MYO1D: variants seen among roughly 807,000 people sequenced by gnomAD.
MYO1D encodes myosin ID, also known as unconventional myosin-Id.
In MYO1D, 83 loss-of-function variants were observed where a neutral mutation model predicts 122.0. The observed-to-expected ratio is 0.68, with a 90% CI of 0.57 to 0.82. MYO1D has a LOEUF of 0.82. MYO1D is among the 40% of genes least tolerant of loss of function. The pLI is 0.00. For synonymous variants in MYO1D, 464 were observed against 446.9 expected, an observed-to-expected ratio of 1.04 and a Z score of -0.48; for missense variants, 1,157 against 1,269.5, an observed-to-expected ratio of 0.91 and a Z score of 1.35.
chr17:32,618,299 A>C (rs1410838093), intron 20 of MYO1D, among the ~76,000 whole-genome samples: 3 of 152,250 alleles, frequency 2.0e-5, no homozygotes, highest in African/African-American at 7.2e-5. Context: ...ACTGATTAAA[A>C]GGGCTAAGTT....
At chr17:32,533,773 G>T (rs1413348707) in intron 21 of MYO1D, among the ~76,000 whole-genome samples, 2 of 151,890 alleles carry the variant, frequency 1.3e-5, no homozygotes, top group Non-Finnish European at 2.9e-5. Context: ...TCTTCCATTG[G>T]ATAACACACA....
chr17:32,750,457 T>C (rs974781752), intron 11 of MYO1D, among the ~76,000 whole-genome samples: 5 of 151,260 alleles, frequency 3.3e-5, no homozygotes, highest in African/African-American at 9.7e-5. Context: ...ATGAAAAAAA[T>C]ACAAAAAATT....
chr17:32,724,477 A>G (rs888118723), intron 14 of MYO1D, among the ~76,000 whole-genome samples: 1 of 152,216 alleles, frequency 6.6e-6, no homozygotes, highest in African/African-American at 2.4e-5. Flanking sequence ...TGGGAGATCT[A>G]ACAACACAGT....
chr17:32,555,567 G>T (rs1471375207), intron 21 of MYO1D, among the ~76,000 whole-genome samples: 2 of 152,222 alleles, frequency 1.3e-5, no homozygotes, highest in Admixed American at 1.3e-4. Flanking sequence ...GCTGCCTGTT[G>T]TCTGTTGCAT....
At chr17:32,543,719 C>T (rs1278573964) in intron 21 of MYO1D, among the ~76,000 whole-genome samples, 1 of 152,162 alleles carries the variant, frequency 6.6e-6, no homozygotes, top group Non-Finnish European at 1.5e-5. Context: ...GTGCCTAGCA[C>T]AGATCTTGTA....
intron 17 of MYO1D, among the ~76,000 whole-genome samples, chr17:32,656,920 T>C (rs1293438152): frequency 2.6e-5 from 4 of 152,204 alleles, no homozygotes; most frequent in African/African-American, 9.7e-5. Flanking sequence ...TGTCCTGTCT[T>C]CACTGCCCAC....
At chr17:32,524,846 C>A (rs1295500765) in intron 21 of MYO1D, among the ~76,000 whole-genome samples, 1 of 152,116 alleles carries the variant, frequency 6.6e-6, no homozygotes, top group Non-Finnish European at 1.5e-5. Flanking sequence ...CAATCGTGAG[C>A]CACTGCGCCT....
intron 21 of MYO1D, among the ~76,000 whole-genome samples, chr17:32,562,030 A>T (rs2087130825): frequency 1.3e-5 from 2 of 151,108 alleles, no homozygotes; most frequent in Admixed American, 1.3e-4. Context: ...TTGCTGTGTC[A>T]CCCAGGCTGG....
chr17:32,806,062 T>G lies in MYO1D; in HGVS notation c.96-25278A>C, dbSNP rs372194726. On this transcript the variant is annotated intron_variant, in intron 1 of 21. Coordinates refer to ENST00000318217, the MANE Select transcript of MYO1D (RefSeq NM_015194.3). Reference sequence around the variant, plus strand: ...TCACAAGGTCAGGAGATTGAGACCATCCTGGCTAGCACGGTGAAACCCTGT... The same window carrying G: ...TCACAAGGTCAGGAGATTGAGACCAGCCTGGCTAGCACGGTGAAACCCTGT... Among the ~76,000 whole-genome samples the G allele has an allele frequency of 3.9e-5, 6 of 152,074 alleles. No homozygotes were observed. The South Asian group carries it at 1.0e-3, about 26-fold the overall frequency.
chr17:32,701,387 A>G (rs1466405889), intron 16 of MYO1D, among the ~76,000 whole-genome samples: 1 of 152,188 alleles, frequency 6.6e-6, no homozygotes, highest in East Asian at 1.9e-4. Context: ...CAAAAAAAGA[A>G]AAGTGTCCAT....
At chr17:32,694,055 A>G (rs962391848) in intron 16 of MYO1D, among the ~76,000 whole-genome samples, 3 of 152,242 alleles carry the variant, frequency 2.0e-5, no homozygotes, top group East Asian at 1.9e-4. Context: ...TGACTTGTAC[A>G]TAGTAATGCT....
At chr17:32,603,767 C>T (rs966354854) in intron 21 of MYO1D, among the ~76,000 whole-genome samples, 3 of 152,024 alleles carry the variant, frequency 2.0e-5, no homozygotes, top group African/African-American at 7.2e-5. Flanking sequence ...CCTCGTGATC[C>T]GCCCGCCTCA....
intron 21 of MYO1D, among the ~76,000 whole-genome samples, chr17:32,526,595 A>G (rs62062465): frequency 0.12 from 16,498 of 140,332 alleles, 1,038 homozygotes; most frequent in South Asian, 0.24. Flanking sequence ...CTTCCTCTTC[A>G]TAAAGCCTTC....
At chr17:32,571,855 T>TCC (rs780854913) in intron 21 of MYO1D, among the ~76,000 whole-genome samples, 4 of 152,128 alleles carry the variant, frequency 2.6e-5, no homozygotes, top group Non-Finnish European at 5.9e-5. Context: ...AAAGCAACAG[T>TCC]CCCTTAACCC....
intron 1 of MYO1D, among the ~76,000 whole-genome samples, chr17:32,822,547 G>GACTCGTCC (rs2090679054): frequency 6.8e-6 from 1 of 146,770 alleles, no homozygotes; most frequent in African/African-American, 2.5e-5. Flanking sequence ...CTGCCGGGGC[G>GACTCGTCC]GCTCGGGACG....
At chr17:32,867,134 T>C (rs1012485928) in intron 1 of MYO1D, among the ~76,000 whole-genome samples, 10 of 152,256 alleles carry the variant, frequency 6.6e-5, no homozygotes, top group African/African-American at 2.2e-4. Flanking sequence ...GAGACCAGCC[T>C]GGCCAACATG....
rs1222099920 is a variant in MYO1D, at chr17:32,638,761, A to G, written c.2670T>C (p.Thr890=). ...TAGTCTTCATCACCTTGTACTGTTT[A>G]GTGGGATCCATTTTATACAGGTGAC... ...TDRHLYKMDP[T]KQYKVMKTIP... The change falls in exon 20 of 22, where the codon ACT becomes ACC. Residue 890 remains threonine, a synonymous_variant. Transcript: ENST00000318217. 10 of 1,613,754 alleles carry G rather than the reference A, an allele frequency of 6.2e-6. No homozygotes were observed. The African/African-American group carries it at 1.2e-4, about 19-fold the overall frequency.
chr17:32,737,409 G>A (rs1287925761), intron 14 of MYO1D, among the ~76,000 whole-genome samples: 4 of 150,286 alleles, frequency 2.7e-5, no homozygotes, highest in Admixed American at 2.6e-4. Flanking sequence ...CACCCAGACT[G>A]GAGTGTAGTG....
chr17:32,657,801 C>T (rs1304513932), intron 17 of MYO1D, among the ~76,000 whole-genome samples: 3 of 152,128 alleles, frequency 2.0e-5, no homozygotes, highest in Admixed American at 1.3e-4. Flanking sequence ...AATTCTAGAC[C>T]ACAAGTAAAA....
Sources: gnomAD v4.1 joint callset for allele counts (sites outside exome capture counted in the v4.1 genomes callset) on GRCh38, gnomAD v4.1.1 for gene constraint, MANE v1.5 for transcripts, NCBI Gene and HGNC (gene_info 2026-07-23, HGNC 2026-07-21) for gene names.